LAMA2: variants seen among roughly 807,000 people sequenced by gnomAD.
LAMA2 encodes the protein laminin subunit alpha 2.
LAMA2 carries 269 observed loss-of-function variants against 364.8 expected under a neutral mutation model. The ratio of observed to expected loss-of-function variants is 0.74; its 90% CI spans 0.67 to 0.82. The LOEUF is 0.82. LAMA2 is among the 40% of genes least tolerant of loss of function. The pLI is 0.00. For missense variants in LAMA2, 3,807 were observed against 3,873.2 expected (o/e 0.98, Z 0.45); for synonymous variants, 1,379 against 1,370.6 (o/e 1.01, Z -0.14).
chr6:129,496,720 A>G (rs559124173), intron 58 of LAMA2, among the ~76,000 whole-genome samples: 1 of 152,296 alleles, frequency 6.6e-6, no homozygotes, highest in Admixed American at 6.5e-5. Context: ...TTTATTAAGC[A>G]CCTACTAAGT....
At chr6:129,472,508 A>C (rs1413884157) in intron 51 of LAMA2, among the ~76,000 whole-genome samples, 2 of 151,996 alleles carry the variant, frequency 1.3e-5, no homozygotes, top group East Asian at 1.9e-4. Flanking sequence ...TAAACAATGC[A>C]GTTTGAACAG....
intron 1 of LAMA2, among the ~76,000 whole-genome samples, chr6:128,894,095 GT>G (rs1351654207): frequency 6.6e-6 from 1 of 152,124 alleles, no homozygotes; most frequent in Non-Finnish European, 1.5e-5. Flanking sequence ...GTAAGTGGTA[GT>G]TTTCAAAAGA....
At chr6:129,134,850 T>G (rs1777689973) in intron 4 of LAMA2, among the ~76,000 whole-genome samples, 1 of 152,220 alleles carries the variant, frequency 6.6e-6, no homozygotes. Context: ...GTTTCAGTTC[T>G]GATTTTGGTC....
Position 129,507,537 on chromosome 6 carries a change from G to A in LAMA2, c.8752G>A (p.Ala2918Thr). The change falls in exon 62 of 65, where the codon GCC (alanine) becomes ACC (threonine). Residue 2918 changes from alanine to threonine, a missense_variant. Ala to Thr is a moderately conservative substitution (Grantham distance 58). This residue lies in a region of LAMA2 where 3,333 missense variants were observed against 3,345.7 expected (regional missense o/e 1.00). Coordinates refer to ENST00000421865, the MANE Select transcript of LAMA2 (RefSeq NM_000426.4). ...CGTCAGGAATCTCCACATGGCAGAG[G>A]CCCCTGCCGATCTGGAACAACCCAC... ...GCVRNLHMAE[A>T]PADLEQPTSS... 4 of 1,614,022 alleles carry A rather than the reference G, an allele frequency of 2.5e-6. No individual in the cohort carries two copies. Among genetic ancestry groups the A allele is most frequent in the Non-Finnish European group, 3.4e-6 (4 of 1,179,954 alleles).
chr6:129,311,164 T>C (rs1054613986), intron 22 of LAMA2, among the ~76,000 whole-genome samples: 1 of 151,790 alleles, frequency 6.6e-6, no homozygotes, highest in African/African-American at 2.4e-5. Context: ...CTCTGTCGCC[T>C]AGGCTGGAGT....
chr6:129,429,771 C>A (rs1053902356), intron 41 of LAMA2, among the ~76,000 whole-genome samples: 5 of 152,188 alleles, frequency 3.3e-5, no homozygotes, highest in African/African-American at 4.8e-5. Flanking sequence ...GTGATTCATG[C>A]AAGTGCAAGA....
Position 129,197,881 on chromosome 6 carries a change from C to T in LAMA2, c.1782+5028C>T, listed in dbSNP as rs1286158342. On this transcript the variant is annotated intron_variant, in intron 12 of 64. Coordinates refer to ENST00000421865, the MANE Select transcript of LAMA2 (RefSeq NM_000426.4). ...CCTCTGTCTTACATATCCGTCATAACATTCTCTTGACGTTTTTCCTAATTA... is the reference window on the plus strand; with the variant it reads ...CCTCTGTCTTACATATCCGTCATAATATTCTCTTGACGTTTTTCCTAATTA... Among the ~76,000 whole-genome samples the T allele has an allele frequency of 9.2e-5, 14 of 152,254 alleles. No homozygotes were observed. The East Asian group carries it at 1.5e-3, about 17-fold the overall frequency.
chr6:129,270,751 A>C lies in LAMA2; in HGVS notation c.2450A>C (p.Asn817Thr), dbSNP rs775422845. ...TGTCCACTCAATATCCCATCCAATA[A>C]GTAAGTAACAAACTTACCCCATGAA... Reference protein sequence around the residue: ...CACPLNIPSNNFSPTCHLDRS... With the variant: ...CACPLNIPSNTFSPTCHLDRS... The change falls in exon 17 of 65, where the codon AAC becomes ACC. Residue 817 changes from asparagine to threonine, a missense_variant and splice_region_variant. Asn to Thr is a moderately conservative substitution (Grantham distance 65). This residue lies in a region of LAMA2 where 3,333 missense variants were observed against 3,345.7 expected (regional missense o/e 1.00). Coordinates refer to ENST00000421865, the MANE Select transcript of LAMA2 (RefSeq NM_000426.4). The C allele has an allele frequency of 6.2e-6, 10 of 1,613,156 alleles. No individual in the cohort carries two copies. In the South Asian group the frequency reaches 1.1e-4, roughly 18 times the overall value.
At chr6:129,334,163 T>C (rs954626425) in intron 29 of LAMA2, among the ~76,000 whole-genome samples, 7 of 152,204 alleles carry the variant, frequency 4.6e-5, no homozygotes, top group Admixed American at 2.6e-4. Context: ...ATTTCTCTTT[T>C]ATGTGCAATA....
At chr6:129,383,822 A>G (rs933972966) in intron 35 of LAMA2, among the ~76,000 whole-genome samples, 1 of 152,200 alleles carries the variant, frequency 6.6e-6, no homozygotes, top group Non-Finnish European at 1.5e-5. Context: ...AAGAATACAG[A>G]TAATGCCCCA....
At chr6:129,413,939 G>C (rs1412185555) in intron 40 of LAMA2, among the ~76,000 whole-genome samples, 1 of 152,088 alleles carries the variant, frequency 6.6e-6, no homozygotes, top group Non-Finnish European at 1.5e-5. Flanking sequence ...TGACAAAACA[G>C]CAAGTTGATT....
chr6:129,006,887 C>G (rs1247342559), intron 1 of LAMA2, among the ~76,000 whole-genome samples: 1 of 152,146 alleles, frequency 6.6e-6, no homozygotes, highest in Non-Finnish European at 1.5e-5. Context: ...CGCATGCTTT[C>G]CTGCAGGCTA....
chr6:129,298,488 A>G (rs1210514179), intron 21 of LAMA2, among the ~76,000 whole-genome samples: 2 of 152,238 alleles, frequency 1.3e-5, no homozygotes, highest in Non-Finnish European at 2.9e-5. Flanking sequence ...TGAGCTAAGA[A>G]AATATCACTT....
At chr6:129,048,540 C>CCTTCCTTCCTTT (rs1562188047) in intron 1 of LAMA2, among the ~76,000 whole-genome samples, 87 of 53,922 alleles carry the variant, frequency 1.6e-3, no homozygotes, top group Middle Eastern at 0.011. Context: ...TTCCTTCCTT[C>CCTTCCTTCCTTT]CTTTCTTTCT....
At chr6:129,379,119 T>C (rs6904763) in intron 34 of LAMA2, among the ~76,000 whole-genome samples, 17,765 of 152,016 alleles carry the variant, frequency 0.12, 1,251 homozygotes, top group African/African-American at 0.18. Context: ...GAAAATCAAA[T>C]ACTGTATGTC....
At chr6:128,943,703 A>G (rs7757326) in intron 1 of LAMA2, among the ~76,000 whole-genome samples, 8,459 of 152,296 alleles carry the variant, frequency 0.056, 807 homozygotes, top group African/African-American at 0.19. Flanking sequence ...AAAAGAAATC[A>G]TCAAATGCTA....
chr6:129,321,709 A>G (rs1052170024), intron 28 of LAMA2, among the ~76,000 whole-genome samples: 1 of 152,236 alleles, frequency 6.6e-6, no homozygotes, highest in African/African-American at 2.4e-5. Context: ...CACTAGTTAT[A>G]TACCCATGTA....
chr6:129,401,006 C>T (rs1469355998), intron 37 of LAMA2, among the ~76,000 whole-genome samples: 1 of 152,176 alleles, frequency 6.6e-6, no homozygotes, highest in Non-Finnish European at 1.5e-5. Context: ...GGATGACTTT[C>T]TCACAATGAG....
At chr6:129,162,719 T>A (rs1445876980) in intron 8 of LAMA2, among the ~76,000 whole-genome samples, 1 of 152,116 alleles carries the variant, frequency 6.6e-6, no homozygotes, top group Admixed American at 6.6e-5. Flanking sequence ...ATTTCAAAAA[T>A]TTTTTTATAT....
Sources: gnomAD v4.1 joint callset for allele counts (sites outside exome capture counted in the v4.1 genomes callset) on GRCh38, gnomAD v4.1.1 for gene constraint, gnomAD v4.1.1 regional missense constraint, MANE v1.5 for transcripts, NCBI Gene and HGNC (gene_info 2026-07-23, HGNC 2026-07-21) for gene names.